Variants in GCNT1 observed in about 807,000 individuals in gnomAD.
GCNT1 encodes the protein glucosaminyl (N-acetyl) transferase 1.
In GCNT1, 16 loss-of-function variants were observed where a neutral mutation model predicts 26.2. The ratio of observed to expected loss-of-function variants is 0.61; its 90% CI spans 0.41 to 0.93. The LOEUF (loss-of-function observed/expected upper bound fraction) is 0.93. Ranked by LOEUF, GCNT1 falls within the 40% of genes least tolerant of loss-of-function variation. The pLI is 0.00. For missense variants in GCNT1, 477 were observed against 526.7 expected (o/e 0.91, Z 0.92); for synonymous variants, 183 against 190.8 (o/e 0.96, Z 0.34).
At chr9:76,423,386 A>G (rs1275209778) in intron 1 of GCNT1, among the ~76,000 whole-genome samples, 1 of 152,112 alleles carries the variant, frequency 6.6e-6, no homozygotes, top group Non-Finnish European at 1.5e-5. Flanking sequence ...GCTCTCTTGC[A>G]CCCTCCCTTT....
upstream of GCNT1, among the ~76,000 whole-genome samples, chr9:76,441,149 T>C (rs935235711): frequency 6.6e-6 from 1 of 151,698 alleles, no homozygotes; most frequent in Non-Finnish European, 1.5e-5. Flanking sequence ...GGCATCAGGA[T>C]TTTTGTTGTT....
At chr9:76,408,799 T>C in the GCNT1 span, among the ~76,000 whole-genome samples, 1 of 152,230 alleles carries the variant, frequency 6.6e-6, no homozygotes, top group African/African-American at 2.4e-5. Context: ...GCAATTCTCC[T>C]GCCTCAGCCT....
intron 2 of GCNT1, among the ~76,000 whole-genome samples, chr9:76,465,678 A>G (rs1251182539): frequency 6.6e-6 from 1 of 152,196 alleles, no homozygotes; most frequent in East Asian, 1.9e-4. Flanking sequence ...GTGGATGTGA[A>G]CAAACAGTGC....
rs1182829928 is a variant in GCNT1 at position 76,421,689 on chromosome 9, G to GTTTTT, written n.38+1821_38+1825dup. ...TGGCAACTCAATTTGTTTGTAGGTT[G>GTTTTT]TTTTTTTTTTTTTTTTTTTTTTTGG... On this transcript the variant is annotated intron_variant and non_coding_transcript_variant, in intron 1 of 3. Transcript: ENST00000488136. Among the ~76,000 whole-genome samples, 7 of 74,780 alleles carry GTTTTT rather than the reference G, an allele frequency of 9.4e-5. No homozygotes were observed. The South Asian group carries it at 1.5e-3, about 17-fold the overall frequency. The allele number at this position is 74,780 out of a possible 152,430, so 49.1% of individuals were successfully genotyped here.
At chr9:76,467,188 A>G (rs980629191) in intron 2 of GCNT1, among the ~76,000 whole-genome samples, 75 of 152,138 alleles carry the variant, frequency 4.9e-4, no homozygotes, top group Middle Eastern at 6.8e-3. Flanking sequence ...GACTACAGGC[A>G]CCCGCCACCG....
upstream of GCNT1, among the ~76,000 whole-genome samples, chr9:76,457,375 A>T (rs1014089668): frequency 7.9e-5 from 12 of 152,142 alleles, no homozygotes; most frequent in African/African-American, 2.9e-4. Flanking sequence ...CAGCCTCCTG[A>T]GTAGCTGGGA....
At position 76,503,271 on chromosome 9, in the gene GCNT1, G is replaced by A; in HGVS notation, c.890G>A (p.Gly297Glu). The A allele has an allele frequency of 1.2e-6, 2 of 1,614,070 alleles. No homozygotes were observed. Among genetic ancestry groups the A allele is most frequent in the South Asian group, 2.2e-5 (2 of 91,072 alleles). ...AYFVVSREYV[G>E]YVLQNEKIQK... ...TTCGTGGTCAGTAGGGAGTATGTGG[G>A]GTATGTACTACAGAATGAAAAAATC... The change falls in exon 4 of 4, where the codon GGG (glycine) becomes GAG (glutamate). Residue 297 changes from glycine to glutamate, a missense_variant. Transcript: ENST00000376730.
chr9:76,488,846 C>G (rs1824652751), intron 2 of GCNT1, among the ~76,000 whole-genome samples: 4 of 152,186 alleles, frequency 2.6e-5, no homozygotes. Context: ...TTCAAGGGCT[C>G]TTTTTATTTG....
At chr9:76,438,799 GAA>G (rs113875725), upstream of GCNT1, among the ~76,000 whole-genome samples, 6 of 135,242 alleles carry the variant, frequency 4.4e-5, no homozygotes, top group South Asian at 2.4e-4. Flanking sequence ...TAGCCAATGA[GAA>G]AAAAAAAAAA....
chr9:76,488,893 C>T (rs1824653666), intron 2 of GCNT1, among the ~76,000 whole-genome samples: 1 of 152,178 alleles, frequency 6.6e-6, no homozygotes, highest in Non-Finnish European at 1.5e-5. Context: ...TTGTTCTAGT[C>T]ATCTATTGCT....
intron 1 of GCNT1, chr9:76,420,111 A>AT (rs1248170947): frequency 1.3e-5 from 2 of 152,244 alleles, no homozygotes; most frequent in African/African-American, 4.8e-5. Flanking sequence ...GATATTAGAA[A>AT]TTGCTTAGGA....
chr9:76,494,378 T>TAAAG (rs1824844661), intron 2 of GCNT1, among the ~76,000 whole-genome samples: 3 of 152,124 alleles, frequency 2.0e-5, no homozygotes, highest in Non-Finnish European at 2.9e-5. Flanking sequence ...ATAAAGATGT[T>TAAAG]ATGCCCCCAA....
intron 1 of GCNT1, among the ~76,000 whole-genome samples, chr9:76,430,962 G>A (rs1358883181): frequency 6.6e-6 from 1 of 152,162 alleles, no homozygotes; most frequent in Non-Finnish European, 1.5e-5. Flanking sequence ...CCGGGATTAC[G>A]GGCATGAGCC....
At position 76,506,136 on chromosome 9, in the gene GCNT1, GAT is replaced by G. The variant is rs1325367166; in HGVS notation, c.*2470_*2471del. 6.0e-6 allele frequency: 1 copy of G among 166,996 alleles called. No individual in the cohort carries two copies. The highest frequency in any genetic ancestry group is 1.9e-4 in the East Asian group (1 of 5,208). 10.3% of individuals were successfully genotyped at this position (166,996 alleles called of 1,614,324 possible). On this transcript the variant is annotated 3_prime_UTR_variant, in exon 4 of 4. Transcript: ENST00000376730. ...ACGATGGTTTGAAAAGGAAACCTAT[GAT>G]ACATGCAGGAGAAGCAAAACCCAAG...
At chr9:76,448,150 T>TTA (rs200584692) in intron 1 of GCNT1, among the ~76,000 whole-genome samples, 48 of 151,812 alleles carry the variant, frequency 3.2e-4, no homozygotes, top group Admixed American at 9.2e-4. Context: ...AACAGACACT[T>TTA]TATATATATA....
At chr9:76,435,428 T>G (rs1351029620) in intron 1 of GCNT1, among the ~76,000 whole-genome samples, 6 of 152,182 alleles carry the variant, frequency 3.9e-5, no homozygotes, top group Non-Finnish European at 7.3e-5. Context: ...ACTGAATTAG[T>G]CAGCTCCCAC....
At chr9:76,435,737 C>G (rs1052041597) in intron 1 of GCNT1, among the ~76,000 whole-genome samples, 1 of 152,184 alleles carries the variant, frequency 6.6e-6, no homozygotes, top group East Asian at 1.9e-4. Context: ...AAAGCCCTAT[C>G]TCCAAATACA....
In GCNT1 at chr9:76,464,685, A is replaced by G. The variant is rs574152872; in HGVS notation, c.-290+4508A>G. 4.6e-5 allele frequency among the ~76,000 whole-genome samples: 7 copies of G among 151,892 alleles called. No individual in the cohort carries two copies. In the East Asian group the frequency reaches 1.4e-3, roughly 30 times the overall value. On this transcript the variant is annotated intron_variant, in intron 2 of 3. Coordinates refer to ENST00000376730, the MANE Select transcript of GCNT1 (RefSeq NM_001490.5). The stretch of plus-strand genomic sequence containing the variant: ...TTCAGCCTCTCAAGTAGTTGAGACT[A>G]TAGGCATGGGCTACCATATCTGACT...
the GCNT1 span, chr9:76,399,489 C>T: frequency 2.1e-5 from 34 of 1,591,462 alleles, no homozygotes; most frequent in Non-Finnish European, 2.7e-5. Flanking sequence ...CAGTTCCCTA[C>T]TGAAGACTGG....
Sources: allele counts gnomAD v4.1 joint callset (sites outside exome capture counted in the v4.1 genomes callset), GRCh38; gene constraint gnomAD v4.1.1; transcripts MANE v1.5; gene names NCBI Gene and HGNC (gene_info 2026-07-23, HGNC 2026-07-21).